FMN2: variants seen among roughly 807,000 people sequenced by gnomAD.
FMN2 encodes formin-2.
In FMN2, 51 loss-of-function variants were observed where a neutral mutation model predicts 142.3. The observed-to-expected ratio is 0.36, with a 90% CI of 0.29 to 0.45. FMN2 has a LOEUF of 0.45. Among genes scored for constraint, FMN2 ranks in the 20% least tolerant of loss-of-function variants. The pLI is 1.00. For missense variants in FMN2, 1,936 were observed against 2,122.8 expected (o/e 0.91, Z 1.73); for synonymous variants, 882 against 869.8 (o/e 1.01, Z -0.25).
chr1:240,420,678 G>A (rs571236908), intron 15 of FMN2, among the ~76,000 whole-genome samples: 4 of 152,270 alleles, frequency 2.6e-5, no homozygotes, highest in African/African-American at 7.2e-5. Flanking sequence ...AGCTGGTGTG[G>A]ACACCAGGAT....
chr1:240,257,714 T>A (rs896942270), intron 6 of FMN2, among the ~76,000 whole-genome samples: 1 of 152,196 alleles, frequency 6.6e-6, no homozygotes, highest in Admixed American at 6.5e-5. Flanking sequence ...AAAAAACATG[T>A]CTTTGAGGCT....
rs763098365 is a variant in FMN2, at chr1:240,208,770, T to C, written c.3920+38T>C. The C allele has an allele frequency of 3.8e-6, 6 of 1,566,908 alleles. 1 individual carries two copies. The Middle Eastern group carries it at 8.5e-4, about 223-fold the overall frequency. On this transcript the variant is annotated intron_variant, in intron 5 of 17. Transcript: ENST00000319653. ...TGAGCTCGTCTTTGCACAGTGTGTG[T>C]CAGTATTAGGGAAGTGTTTACCTTC...
At chr1:240,248,440 T>G (rs1251253799) in intron 6 of FMN2, among the ~76,000 whole-genome samples, 6 of 33,170 alleles carry the variant, frequency 1.8e-4, no homozygotes, top group East Asian at 1.2e-3. Context: ...TGGATATATA[T>G]ATATATATAT....
At chr1:240,285,492 C>T (rs765430469) in intron 7 of FMN2, among the ~76,000 whole-genome samples, 4 of 151,812 alleles carry the variant, frequency 2.6e-5, no homozygotes, top group East Asian at 3.9e-4. Context: ...TGAGACTGGG[C>T]GAGACCACCA....
chr1:240,398,937 A>G lies in FMN2; in HGVS notation c.4910+6375A>G, dbSNP rs567903546. On this transcript the variant is annotated intron_variant, in intron 15 of 17. Coordinates refer to ENST00000319653, the MANE Select transcript of FMN2 (RefSeq NM_020066.5). ...TGGTAGAATTAGAAACCAGAGTCAG[A>G]TTTCAGACTCGGGCAATGTATTTGT... Among the ~76,000 whole-genome samples the G allele has an allele frequency of 3.9e-5, 6 of 152,282 alleles. No individual in the cohort carries two copies. In the South Asian group the frequency reaches 1.2e-3, roughly 32 times the overall value.
intron 8 of FMN2, among the ~76,000 whole-genome samples, chr1:240,328,484 G>T (rs10158364): frequency 1.3e-5 from 2 of 151,992 alleles, no homozygotes; most frequent in South Asian, 2.1e-4. Context: ...ACATTTCTCA[G>T]ATCACTAATG....
intron 16 of FMN2, among the ~76,000 whole-genome samples, chr1:240,468,462 T>A (rs543430654): frequency 1.3e-5 from 2 of 152,186 alleles, no homozygotes; most frequent in African/African-American, 4.8e-5. Flanking sequence ...TTGACCATCT[T>A]CAGCCCCGCT....
Position 240,275,920 on chromosome 1 carries a change from C to A in FMN2, c.4153+17888C>A, listed in dbSNP as rs558990171. On this transcript the variant is annotated intron_variant, in intron 7 of 17. Coordinates refer to ENST00000319653, the MANE Select transcript of FMN2 (RefSeq NM_020066.5). ...AGAAGTGTCTGTTCATATCCTTTGC[C>A]CACTTTTTGATGGGAAAGGGTATTC... is the stretch of plus-strand genomic sequence containing the variant. Among the ~76,000 whole-genome samples, 56 of 152,114 alleles carry A rather than the reference C, an allele frequency of 3.7e-4. 1 individual carries two copies. The highest frequency in any genetic ancestry group is 5.6e-4 in the Non-Finnish European group (38 of 68,034).
Position 240,177,938 on chromosome 1 carries a change from C to T in FMN2, c.1800C>T (p.Thr600=). Reference sequence around the variant, plus strand: ...AAATATAGCAAGATCAACTTTATACCTGGGCTGCAGTTAGTCAACCCACAC... The same window carrying T: ...AAATATAGCAAGATCAACTTTATACTTGGGCTGCAGTTAGTCAACCCACAC... ...AASFDQDQLY[T]WAAVSQPTHS... is the part of the protein sequence containing the mutation. The change falls in exon 3 of 18, where the codon ACC becomes ACT. Residue 600 remains threonine (T), a synonymous_variant. Transcript: ENST00000319653. 3 of 1,576,540 alleles carry T rather than the reference C, an allele frequency of 1.9e-6. No individual in the cohort carries two copies. The highest frequency in any genetic ancestry group is 2.6e-6 in the Non-Finnish European group (3 of 1,167,410).
intron 13 of FMN2, among the ~76,000 whole-genome samples, chr1:240,354,349 A>G (rs931345419): frequency 1.3e-5 from 2 of 152,188 alleles, no homozygotes; most frequent in Non-Finnish European, 2.9e-5. Flanking sequence ...GGTTGAGAAT[A>G]AGTCTCCTGT....
chr1:240,250,311 T>C (rs570062990), intron 6 of FMN2, among the ~76,000 whole-genome samples: 1 of 152,304 alleles, frequency 6.6e-6, no homozygotes, highest in Admixed American at 6.5e-5. Flanking sequence ...GGATGTTGAA[T>C]TTTATCAAAT....
At chr1:240,330,087 A>C (rs939687126) in intron 10 of FMN2, among the ~76,000 whole-genome samples, 1 of 152,210 alleles carries the variant, frequency 6.6e-6, no homozygotes, top group African/African-American at 2.4e-5. Flanking sequence ...AAGTCAAGTT[A>C]AACACAGTGT....
At chr1:240,355,778 C>A in intron 13 of FMN2, 38 bp from the exon 14 acceptor site, 1 of 1,466,478 alleles carries the variant, frequency 6.8e-7, no homozygotes, top group African/African-American at 1.4e-5. Context: ...GCTCCACTAA[C>A]AGTGTGACAC....
chr1:240,268,756 A>G (rs898362151), intron 7 of FMN2, among the ~76,000 whole-genome samples: 3 of 151,958 alleles, frequency 2.0e-5, no homozygotes, highest in Non-Finnish European at 4.4e-5. Context: ...CAGGTGTGAG[A>G]TAGTATCTCA....
chr1:240,171,314 GTCCA>G, intron 2 of FMN2: 1 of 696,422 alleles, frequency 1.4e-6, no homozygotes, highest in Non-Finnish European at 2.7e-6. Flanking sequence ...GAAAACCAGC[GTCCA>G]TCCTGTCGTG....
At chr1:240,408,353 G>A (rs1674282801) in intron 15 of FMN2, among the ~76,000 whole-genome samples, 2 of 151,804 alleles carry the variant, frequency 1.3e-5, no homozygotes, top group Admixed American at 1.3e-4. Context: ...GACTCTACCA[G>A]AAAGAAAAGG....
In FMN2 at chr1:240,188,208, A is replaced by G; in HGVS notation, c.1932A>G (p.Glu644=). ...EEHRLEDAET[E]SQSAVSETPQ... is the part of the protein sequence containing the mutation. ...CTGTCTGCTTCCTTTCCAATCTAGA[A>G]TCTCAATCTGCTGTTTCAGAAACTC... is the stretch of plus-strand genomic sequence containing the variant. Residue 644 remains glutamate, a splice_region_variant and synonymous_variant, in exon 4 of 18, where the codon GAA becomes GAG. Coordinates refer to ENST00000319653, the MANE Select transcript of FMN2 (RefSeq NM_020066.5). 1 of 1,613,806 alleles carries G rather than the reference A, an allele frequency of 6.2e-7. No homozygotes were observed. Among genetic ancestry groups the G allele is most frequent in the Non-Finnish European group, 8.5e-7 (1 of 1,179,898 alleles).
intron 14 of FMN2, among the ~76,000 whole-genome samples, chr1:240,376,243 A>G (rs1040587115): frequency 1.3e-5 from 2 of 152,106 alleles, no homozygotes; most frequent in African/African-American, 2.4e-5. Context: ...CCTAGAGAGC[A>G]TAAAGTTGAG....
At chr1:240,327,476 A>G (rs1671209993) in intron 8 of FMN2, among the ~76,000 whole-genome samples, 1 of 152,174 alleles carries the variant, frequency 6.6e-6, no homozygotes, top group Non-Finnish European at 1.5e-5. Flanking sequence ...TTCTCGGCTG[A>G]GCTGCTCGTC....
Sources: allele counts gnomAD v4.1 joint callset (sites outside exome capture counted in the v4.1 genomes callset), GRCh38; gene constraint gnomAD v4.1.1; transcripts MANE v1.5; gene names NCBI Gene and HGNC (gene_info 2026-07-23, HGNC 2026-07-21).